TENM3: variants seen among roughly 807,000 people sequenced by gnomAD.
TENM3 encodes teneurin-3.
TENM3 carries 63 observed loss-of-function variants against 255.1 expected under a neutral mutation model. The observed-to-expected ratio is 0.25, with a 90% CI of 0.20 to 0.30. The LOEUF is 0.30. Ranked by LOEUF, TENM3 falls within the 10% of genes least tolerant of loss-of-function variation. The pLI is 1.00. For synonymous variants in TENM3, 1,306 were observed against 1,322.3 expected (o/e 0.99, Z 0.27); for missense variants, 2,929 against 3,461.1 (o/e 0.85, Z 3.86).
intron 3 of TENM3, among the ~76,000 whole-genome samples, chr4:182,368,987 C>A (rs902721112): frequency 1.3e-5 from 2 of 152,192 alleles, no homozygotes; most frequent in African/African-American, 4.8e-5. Flanking sequence ...ACATCGTTCC[C>A]TCATGAAACA....
the TENM3 span, among the ~76,000 whole-genome samples, chr4:181,450,428 ATC>A: frequency 6.6e-6 from 1 of 152,186 alleles, no homozygotes; most frequent in South Asian, 2.1e-4. Flanking sequence ...AAGGAACACA[ATC>A]GTTTTCTTCC....
the TENM3 span, among the ~76,000 whole-genome samples, chr4:181,494,144 T>C: frequency 2.6e-5 from 4 of 152,204 alleles, no homozygotes; most frequent in Non-Finnish European, 1.5e-5. Flanking sequence ...GAACTCAAGA[T>C]TTGAACCAAG....
intron 3 of TENM3, among the ~76,000 whole-genome samples, chr4:182,567,415 T>A (rs1363356780): frequency 2.0e-5 from 3 of 152,098 alleles, no homozygotes; most frequent in Non-Finnish European, 4.4e-5. Flanking sequence ...TCTTTAAAAG[T>A]GTTTCAGTGT....
At chr4:181,835,736 T>A in the TENM3 span, among the ~76,000 whole-genome samples, 1 of 152,206 alleles carries the variant, frequency 6.6e-6, no homozygotes, top group Non-Finnish European at 1.5e-5. Flanking sequence ...GTTTTTTAGT[T>A]ATCGGCAGTA....
intron 1 of TENM3, among the ~76,000 whole-genome samples, chr4:182,291,573 A>G (rs1761128957): frequency 6.6e-6 from 1 of 152,126 alleles, no homozygotes; most frequent in South Asian, 2.1e-4. Flanking sequence ...GAGACTGGAT[A>G]ATATTACCCT....
chr4:181,649,136 G>C, the TENM3 span, among the ~76,000 whole-genome samples: 175 of 152,286 alleles, frequency 1.1e-3, 1 homozygote, highest in Non-Finnish European at 3.2e-4. Context: ...TCCATTTCTA[G>C]CAGAGAAGGA....
the TENM3 span, among the ~76,000 whole-genome samples, chr4:181,681,265 A>G: frequency 7.2e-6 from 1 of 138,606 alleles, no homozygotes; most frequent in Admixed American, 7.8e-5. Context: ...AAATAAATGA[A>G]AAGATTATTC....
chr4:182,078,522 A>G, the TENM3 span, among the ~76,000 whole-genome samples: 3 of 151,464 alleles, frequency 2.0e-5, no homozygotes, highest in African/African-American at 7.4e-5. Context: ...ACTCTGCCTC[A>G]AAAACAAAAC....
chr4:182,706,608 A>G (rs1031358672), intron 12 of TENM3, among the ~76,000 whole-genome samples: 2 of 152,208 alleles, frequency 1.3e-5, no homozygotes, highest in African/African-American at 2.4e-5. Flanking sequence ...TAAGGCCACC[A>G]AAAGTACATT....
chr4:181,585,610 A>T, the TENM3 span, among the ~76,000 whole-genome samples: 1 of 152,178 alleles, frequency 6.6e-6, no homozygotes, highest in Non-Finnish European at 1.5e-5. Context: ...ATTATTATTT[A>T]AGCAGGACAA....
At chr4:181,849,273 A>G in the TENM3 span, among the ~76,000 whole-genome samples, 1 of 152,232 alleles carries the variant, frequency 6.6e-6, no homozygotes, top group African/African-American at 2.4e-5. Flanking sequence ...TAAAAGATGA[A>G]GAAACAATTC....
chr4:181,951,520 A>C, the TENM3 span, among the ~76,000 whole-genome samples: 8 of 152,214 alleles, frequency 5.3e-5, no homozygotes, highest in Non-Finnish European at 7.3e-5. Flanking sequence ...TTCATTCTGT[A>C]GTCAAAATAA....
At chr4:182,611,405 A>G (rs1456514983) in intron 4 of TENM3, among the ~76,000 whole-genome samples, 2 of 151,408 alleles carry the variant, frequency 1.3e-5, no homozygotes, top group African/African-American at 4.8e-5. Context: ...ATATATTTAT[A>G]ATAGTTAAAT....
At chr4:181,798,204 A>T in the TENM3 span, among the ~76,000 whole-genome samples, 1 of 152,070 alleles carries the variant, frequency 6.6e-6, no homozygotes, top group African/African-American at 2.4e-5. Flanking sequence ...CCAACCTCTT[A>T]TTTTACAAAC....
chr4:181,488,044 T>C, the TENM3 span, among the ~76,000 whole-genome samples: 1 of 152,228 alleles, frequency 6.6e-6, no homozygotes, highest in Non-Finnish European at 1.5e-5. Context: ...TGGTGGATTA[T>C]TTCAGAGATT....
chr4:182,413,187 T>C (rs1332138902), intron 3 of TENM3, among the ~76,000 whole-genome samples: 1 of 151,994 alleles, frequency 6.6e-6, no homozygotes, highest in East Asian at 1.9e-4. Context: ...AGAAGCAGCA[T>C]TCAAGGAAAT....
In TENM3 at chr4:182,503,231, A is replaced by G. The variant is rs577141250; in HGVS notation, c.512-97693A>G. Among the ~76,000 whole-genome samples, 8 of 152,086 alleles carry G rather than the reference A, an allele frequency of 5.3e-5. 1 individual carries two copies. The South Asian group carries it at 1.7e-3, about 32-fold the overall frequency. On this transcript the variant is annotated intron_variant, in intron 3 of 27. Coordinates refer to ENST00000511685, the MANE Select transcript of TENM3 (RefSeq NM_001080477.4). ...ATACATGTGGCTGCTGGAATTCTTT[A>G]CATTTAGATGGGCATGGTTTTATAT... is the stretch of plus-strand genomic sequence containing the variant.
chr4:181,821,720 A>G, the TENM3 span: 2 of 152,202 alleles, frequency 1.3e-5, no homozygotes, highest in East Asian at 3.9e-4. Context: ...TTGAGGGTCT[A>G]CTATGTGTAA....
At chr4:181,824,323 A>G in the TENM3 span, among the ~76,000 whole-genome samples, 1 of 150,682 alleles carries the variant, frequency 6.6e-6, no homozygotes, top group Non-Finnish European at 1.5e-5. Flanking sequence ...CTGGCCTCCA[A>G]CTCCTGGCCT....
Sources: allele counts gnomAD v4.1 joint callset (sites outside exome capture counted in the v4.1 genomes callset), GRCh38; gene constraint gnomAD v4.1.1; transcripts MANE v1.5; gene names NCBI Gene and HGNC (gene_info 2026-07-23, HGNC 2026-07-21).